PTPRD: variants seen among roughly 807,000 people sequenced by gnomAD.
The protein encoded by PTPRD is protein tyrosine phosphatase receptor type D.
Under a neutral mutation model 214.5 loss-of-function variants are expected in PTPRD, and 34 were observed. The ratio of observed to expected loss-of-function variants is 0.16; its 90% CI spans 0.12 to 0.21. PTPRD has a LOEUF of 0.21. Ranked by LOEUF, PTPRD falls within the 10% of genes least tolerant of loss-of-function variation. The pLI, the probability that PTPRD is intolerant of heterozygous loss-of-function variation, is 1.00. For synonymous variants in PTPRD, 1,128 were observed against 845.7 expected (o/e 1.33, Z -5.79); for missense variants, 2,545 against 2,398.7 (o/e 1.06, Z -1.27).
intron 2 of PTPRD, among the ~76,000 whole-genome samples, chr9:10,537,591 C>G (rs540290570): frequency 1.3e-5 from 2 of 152,222 alleles, no homozygotes; most frequent in South Asian, 4.1e-4. Flanking sequence ...AAATCATTGT[C>G]TATTCCTTCT....
chr9:10,446,722 A>G (rs75377127), intron 2 of PTPRD, among the ~76,000 whole-genome samples: 2,158 of 152,144 alleles, frequency 0.014, 40 homozygotes, highest in African/African-American at 0.046. Flanking sequence ...TGCCCTAATC[A>G]CCAGTAAACC....
chr9:9,806,809 T>A (rs572667802), intron 5 of PTPRD, among the ~76,000 whole-genome samples: 1 of 152,158 alleles, frequency 6.6e-6, no homozygotes, highest in East Asian at 1.9e-4. Context: ...GGGGTTTGAC[T>A]GGTATCTGAC....
intron 12 of PTPRD, among the ~76,000 whole-genome samples, chr9:8,646,839 AATGC>A (rs1352526898): frequency 6.6e-6 from 1 of 152,186 alleles, no homozygotes; most frequent in Non-Finnish European, 1.5e-5. Context: ...ACATAGTTTC[AATGC>A]ATACATGAGC....
chr9:9,165,711 G>A (rs981228924), intron 10 of PTPRD, among the ~76,000 whole-genome samples: 1 of 151,988 alleles, frequency 6.6e-6, no homozygotes, highest in East Asian at 1.9e-4. Flanking sequence ...TTCACGGGGG[G>A]CCACATATTA....
intron 11 of PTPRD, among the ~76,000 whole-genome samples, chr9:8,976,285 C>A (rs759228069): frequency 1.3e-5 from 2 of 151,992 alleles, no homozygotes; most frequent in African/African-American, 4.8e-5. Context: ...GTGTTTTGCA[C>A]ATAGTTATTA....
rs1375103552 is a variant in PTPRD at position 8,499,657 on chromosome 9, G to T, written c.2312C>A (p.Ala771Asp). 6.2e-7 allele frequency: 1 copy of T among 1,613,134 alleles called. No homozygotes were observed. The highest frequency in any genetic ancestry group is 2.2e-5 in the East Asian group (1 of 44,828). Residue 771 changes from alanine to aspartate, a missense_variant, in exon 25 of 46, where the codon GCT becomes GAT. Physicochemically the swap from Ala to Asp is moderately radical, Grantham distance 126 (BLOSUM62 -2). Transcript: ENST00000381196. ...ATTTCAGAGGCTTACCTGTGCATCA[G>T]CCAGCATGACATCTTTCAGCATGGG... ...GQPMLKDVML[A>D]DAQWEFDDTT...
intron 10 of PTPRD, among the ~76,000 whole-genome samples, chr9:9,174,944 G>C (rs927923011): frequency 6.6e-6 from 1 of 152,014 alleles, no homozygotes; most frequent in South Asian, 2.1e-4. Flanking sequence ...AGGTGATTAG[G>C]TCATGGGATG....
At chr9:9,286,251 C>G (rs1299298670) in intron 9 of PTPRD, among the ~76,000 whole-genome samples, 1 of 151,808 alleles carries the variant, frequency 6.6e-6, no homozygotes, top group East Asian at 2.0e-4. Context: ...ATGATTGCAA[C>G]TATTATAATA....
In PTPRD at chr9:9,028,026, T is replaced by C. The variant is rs1367477771; in HGVS notation, c.-142-9291A>G. ...GTGAAATCTCATCAAGGGCTCCTTG[T>C]GTAAGTAAACATATACCCCACCATT... On this transcript the variant is annotated intron_variant, in intron 10 of 45. Coordinates refer to ENST00000381196, the MANE Select transcript of PTPRD (RefSeq NM_002839.4). Among the ~76,000 whole-genome samples, 7 of 151,922 alleles carry C rather than the reference T, an allele frequency of 4.6e-5. No homozygotes were observed. The East Asian group carries it at 1.4e-3, about 29-fold the overall frequency.
chr9:10,462,694 G>A (rs1197933086), intron 2 of PTPRD, among the ~76,000 whole-genome samples: 1 of 149,944 alleles, frequency 6.7e-6, no homozygotes, highest in Admixed American at 6.6e-5. Flanking sequence ...GCATTGAGAA[G>A]GAAGTAAGAT....
chr9:9,902,849 T>C (rs966749212), intron 5 of PTPRD, among the ~76,000 whole-genome samples: 3 of 152,134 alleles, frequency 2.0e-5, no homozygotes, highest in Non-Finnish European at 4.4e-5. Flanking sequence ...CGTTTGGACA[T>C]TTAGGTGATA....
intron 11 of PTPRD, among the ~76,000 whole-genome samples, chr9:8,887,818 C>T (rs1440993348): frequency 1.3e-5 from 2 of 152,142 alleles, no homozygotes; most frequent in Admixed American, 6.5e-5. Context: ...ACAGAAGTGT[C>T]CACCTTCTAT....
At chr9:8,798,252 A>C (rs910426599) in intron 11 of PTPRD, among the ~76,000 whole-genome samples, 1 of 152,154 alleles carries the variant, frequency 6.6e-6, no homozygotes, top group Non-Finnish European at 1.5e-5. Context: ...AAACAACCTG[A>C]TCATATAGGG....
intron 10 of PTPRD, among the ~76,000 whole-genome samples, chr9:9,076,343 C>T (rs2099751173): frequency 6.6e-6 from 1 of 152,054 alleles, no homozygotes; most frequent in South Asian, 2.1e-4. Context: ...CTGTAGGTTG[C>T]CTGTCCACTC....
intron 3 of PTPRD, among the ~76,000 whole-genome samples, chr9:10,132,319 A>G (rs543213042): frequency 6.6e-6 from 1 of 152,244 alleles, no homozygotes; most frequent in South Asian, 2.1e-4. Context: ...TGATTATTCT[A>G]AGGCAAATAG....
rs376620329 is a variant in PTPRD, at chr9:10,272,847, CAT to C, written c.-545+68114_-545+68115del. Among the ~76,000 whole-genome samples the C allele has an allele frequency of 2.4e-3, 360 of 152,280 alleles. 1 individual carries two copies. The Middle Eastern group carries it at 0.034, about 14-fold the overall frequency. ...TTAAGAGAACTGAGAGAATACCACA[CAT>C]GTGTGAATTTTTGAAGACTTTTATC... On this transcript the variant is annotated intron_variant, in intron 3 of 45. Transcript: ENST00000381196.
intron 8 of PTPRD, among the ~76,000 whole-genome samples, chr9:9,547,849 A>G (rs2079167345): frequency 6.7e-6 from 1 of 150,320 alleles, no homozygotes; most frequent in South Asian, 2.1e-4. Flanking sequence ...AAGGCATATA[A>G]TAAGCAAATT....
intron 11 of PTPRD, among the ~76,000 whole-genome samples, chr9:8,831,737 TCTG>T (rs1325700068): frequency 1.3e-5 from 2 of 152,206 alleles, no homozygotes; most frequent in Non-Finnish European, 2.9e-5. Context: ...CTGAAAATTC[TCTG>T]CTATTGGTTT....
At chr9:8,838,303 G>A (rs756311409) in intron 11 of PTPRD, among the ~76,000 whole-genome samples, 6 of 150,986 alleles carry the variant, frequency 4.0e-5, no homozygotes, top group South Asian at 2.1e-4. Context: ...TCGGTGCATC[G>A]TTTGGGGATA....
Sources: allele counts gnomAD v4.1 joint callset (sites outside exome capture counted in the v4.1 genomes callset), GRCh38; gene constraint gnomAD v4.1.1; transcripts MANE v1.5; gene names NCBI Gene and HGNC (gene_info 2026-07-23, HGNC 2026-07-21).